The following FBLN1 variants were observed in gnomAD, a reference collection of about 807,000 sequenced individuals.
FBLN1 encodes fibulin-1.
In FBLN1, 34 loss-of-function variants were observed where a neutral mutation model predicts 89.7. That is an observed-to-expected ratio of 0.38 (90% confidence interval 0.29 to 0.50). FBLN1 has a LOEUF of 0.50. Among genes scored for constraint, FBLN1 ranks in the 20% least tolerant of loss-of-function variants. FBLN1 has a pLI of 0.92. For synonymous variants in FBLN1, 393 were observed against 391.3 expected (o/e 1.00, Z -0.05); for missense variants, 777 against 988.1 (o/e 0.79, Z 2.86).
intron 1 of FBLN1, among the ~76,000 whole-genome samples, chr22:45,511,797 G>A (rs540453118): frequency 2.0e-5 from 3 of 152,194 alleles, no homozygotes; most frequent in African/African-American, 7.2e-5. Context: ...TTGAGTCTTA[G>A]TAAGGGAGGG....
chr22:45,577,582 A>G lies in FBLN1; in HGVS notation c.1972+474A>G, dbSNP rs1469056807. 6.6e-6 allele frequency among the ~76,000 whole-genome samples: 1 copy of G among 152,208 alleles called. No homozygotes were observed. Among genetic ancestry groups the G allele is most frequent in the African/African-American group, 2.4e-5 (1 of 41,464 alleles). On this transcript the variant is annotated intron_variant, in intron 16 of 16. Coordinates refer to ENST00000327858, the MANE Select transcript of FBLN1 (RefSeq NM_006486.3). The surrounding 1 kb of genome is among the most constrained non-coding windows in gnomAD (Gnocchi z 6.6). ...GTCTCTCAGCCTTGGAACTAGCTGG[A>G]TTCGCCATGTGGCCTTGAGCAGTAG... is the stretch of plus-strand genomic sequence containing the variant.
rs573273857 is a variant in FBLN1, at chr22:45,530,284, T to TTTA, written c.485-979_485-977dup. ...CATCTCGGGGGTGGATTTTCACTGA[T>TTTA]TTATGTCTGCAGCGTGAGCAGTCTC... On this transcript the variant is annotated intron_variant, in intron 4 of 16. Coordinates refer to ENST00000327858, the MANE Select transcript of FBLN1 (RefSeq NM_006486.3). This position sits in a 1 kb window ranked among gnomAD's most constrained non-coding sequence, Gnocchi z 5.4. Among the ~76,000 whole-genome samples the TTTA allele has an allele frequency of 5.1e-4, 77 of 151,952 alleles. No individual in the cohort carries two copies. Among genetic ancestry groups the TTTA allele is most frequent in the African/African-American group, 1.8e-3 (75 of 41,450 alleles).
rs771770589 is a variant in FBLN1 at position 45,543,599 on chromosome 22, C to T, written c.1321+73C>T. The T allele has an allele frequency of 4.2e-5, 65 of 1,558,032 alleles. 2 individuals carry two copies. The Admixed American group carries it at 6.1e-4, about 15-fold the overall frequency. On this transcript the variant is annotated intron_variant, in intron 11 of 16. Transcript: ENST00000327858. ...CTGGGGAAGCCACCCTTCTGCAGACCGGTTTGCAGCAGATCCGCGATGGTT... is the reference window on the plus strand; with the variant it reads ...CTGGGGAAGCCACCCTTCTGCAGACTGGTTTGCAGCAGATCCGCGATGGTT...
chr22:45,508,449 G>A (rs895481405), intron 1 of FBLN1, among the ~76,000 whole-genome samples: 2 of 152,062 alleles, frequency 1.3e-5, no homozygotes, highest in African/African-American at 2.4e-5. Flanking sequence ...TCTTAGTAGA[G>A]ACGGGGTTTC....
chr22:45,536,350 G>T lies in FBLN1; in HGVS notation c.922+1013G>T, dbSNP rs1187434651. 1.3e-5 allele frequency among the ~76,000 whole-genome samples: 2 copies of T among 152,108 alleles called. No homozygotes were observed. The highest frequency in any genetic ancestry group is 1.5e-5 in the Non-Finnish European group (1 of 68,028). ...GAAAAAGTTCTGGAGATGGATGGGG[G>T]TGATGGTGGCACGACAGTGTGAATG... On this transcript the variant is annotated intron_variant, in intron 8 of 16. Transcript: ENST00000327858. The surrounding 1 kb of genome is among the most constrained non-coding windows in gnomAD (Gnocchi z 5.1).
rs77622670 is a variant in FBLN1 at position 45,590,634 on chromosome 22, G to A, written c.1973-9673G>A. ...GTACACGTGTTCAGGTAGATGCGAC[G>A]AGGCCGGAACTGAGGCCAGGTGGGG... On this transcript the variant is annotated intron_variant, in intron 16 of 16. Transcript: ENST00000327858. The surrounding 1 kb of genome is among the most constrained non-coding windows in gnomAD (Gnocchi z 4.1). Among the ~76,000 whole-genome samples the A allele has an allele frequency of 6.6e-6, 1 of 152,184 alleles. No individual in the cohort carries two copies. The highest frequency in any genetic ancestry group is 2.4e-5 in the African/African-American group (1 of 41,438).
chr22:45,596,793 A>G (rs1363582572), intron 16 of FBLN1, among the ~76,000 whole-genome samples: 2 of 126,646 alleles, frequency 1.6e-5, no homozygotes, highest in East Asian at 4.0e-4. Flanking sequence ...ATATTTACAT[A>G]TAAATACACT....
intron 14 of FBLN1, among the ~76,000 whole-genome samples, chr22:45,553,565 G>A (rs1475201915): frequency 6.6e-6 from 1 of 152,234 alleles, no homozygotes; most frequent in Non-Finnish European, 1.5e-5. Context: ...AGCGAAGTAC[G>A]ATCATTGAAG....
intron 16 of FBLN1, among the ~76,000 whole-genome samples, chr22:45,598,435 TGGC>T (rs1241942423): frequency 6.6e-6 from 1 of 152,206 alleles, no homozygotes; most frequent in East Asian, 1.9e-4. Context: ...GAAGGGACCT[TGGC>T]GGTTCATTCA....
At chr22:45,504,742 A>G (rs1449961901) in intron 1 of FBLN1, among the ~76,000 whole-genome samples, 1 of 152,166 alleles carries the variant, frequency 6.6e-6, no homozygotes, top group Non-Finnish European at 1.5e-5. Flanking sequence ...TGAACACCCC[A>G]GGACTTGCGG....
chr22:45,514,682 G>A (rs1251178958), intron 1 of FBLN1, among the ~76,000 whole-genome samples: 5 of 152,144 alleles, frequency 3.3e-5, no homozygotes, highest in African/African-American at 4.8e-5. Flanking sequence ...CTTGCAGATC[G>A]GGCCCCTTGC....
chr22:45,528,117 A>T, intron 4 of FBLN1, 108 bp downstream of exon 4: 1 of 1,257,018 alleles, frequency 8.0e-7, no homozygotes, highest in Non-Finnish European at 1.1e-6. Context: ...GGCTCATGTG[A>T]TCGTGGGGCT....
At chr22:45,541,041 C>T (rs879460741) in intron 8 of FBLN1, among the ~76,000 whole-genome samples, 188 bp from the exon 9 acceptor site, 43 of 152,250 alleles carry the variant, frequency 2.8e-4, no homozygotes, top group Middle Eastern at 3.4e-3. Context: ...GTGTTTGAGG[C>T]GGTATGCAGT....
intron 14 of FBLN1, among the ~76,000 whole-genome samples, chr22:45,559,425 GTTTTTGATTTACTGTTT>G (rs1297309807): frequency 1.4e-4 from 21 of 152,322 alleles, no homozygotes; most frequent in African/African-American, 5.1e-4. Context: ...ATACGATATT[GTTTTTGATTTACTGTTT>G]TTCTAGGTAG....
chr22:45,506,815 C>T (rs1315060806), intron 1 of FBLN1, among the ~76,000 whole-genome samples: 5 of 152,186 alleles, frequency 3.3e-5, no homozygotes, highest in East Asian at 1.9e-4. Context: ...ACTTTAAGCC[C>T]GGGCTCTGAG....
chr22:45,596,696 ATATT>A (rs1234221201), intron 16 of FBLN1, among the ~76,000 whole-genome samples: 4 of 126,556 alleles, frequency 3.2e-5, no homozygotes, highest in East Asian at 4.0e-4. Context: ...TGATAATTAT[ATATT>A]TATCATGTTT....
At chr22:45,521,703 G>A (rs2088253231) in intron 2 of FBLN1, among the ~76,000 whole-genome samples, 1 of 152,186 alleles carries the variant, frequency 6.6e-6, no homozygotes, top group South Asian at 2.1e-4. Context: ...GTCCTCGGGT[G>A]AGCAGGACCC....
chr22:45,577,377 A>T lies in FBLN1; in HGVS notation c.1972+269A>T, dbSNP rs944817853. The stretch of plus-strand genomic sequence containing the variant: ...GGGTCTCGGTCTCCCTGCCTATAAC[A>T]TGGGTGGGTTCCAGAGAGCGCTGCG... On this transcript the variant is annotated intron_variant, in intron 16 of 16. Coordinates refer to ENST00000327858, the MANE Select transcript of FBLN1 (RefSeq NM_006486.3). The surrounding 1 kb of genome is among the most constrained non-coding windows in gnomAD (Gnocchi z 6.6). Among the ~76,000 whole-genome samples the T allele has an allele frequency of 5.9e-5, 9 of 152,110 alleles. No homozygotes were observed. Among genetic ancestry groups the T allele is most frequent in the African/African-American group, 2.2e-4 (9 of 41,412 alleles).
At chr22:45,535,479 C>T (rs2088472817) in intron 8 of FBLN1, 142 bp downstream of exon 8, 1 of 859,010 alleles carries the variant, frequency 1.2e-6, no homozygotes, top group Non-Finnish European at 1.9e-6. Context: ...GGCTGGACAG[C>T]AAATAGAGCA....
Sources: gnomAD v4.1 joint callset for allele counts (sites outside exome capture counted in the v4.1 genomes callset) on GRCh38, gnomAD v4.1.1 for gene constraint, Gnocchi (gnomAD v3.1) non-coding constraint, MANE v1.5 for transcripts, NCBI Gene and HGNC (gene_info 2026-07-23, HGNC 2026-07-21) for gene names.